KIF2A: variants seen among roughly 807,000 people sequenced by gnomAD.
KIF2A encodes the protein kinesin family member 2A.
KIF2A carries 22 observed loss-of-function variants against 100.2 expected under a neutral mutation model. The observed-to-expected ratio is 0.22, with a 90% CI of 0.16 to 0.31. The LOEUF (loss-of-function observed/expected upper bound fraction) is 0.31, where lower values mean the gene tolerates loss of function less well. KIF2A is among the 10% of genes least tolerant of loss of function. The pLI is 1.00. For missense variants in KIF2A, 495 were observed against 898.7 expected (o/e 0.55, Z 5.74); for synonymous variants, 268 against 285.9 (o/e 0.94, Z 0.63).
At chr5:62,369,128 C>G (rs1276299077) in intron 16 of KIF2A, among the ~76,000 whole-genome samples, 1 of 152,184 alleles carries the variant, frequency 6.6e-6, no homozygotes, top group Non-Finnish European at 1.5e-5. Context: ...TCCTCTAGTT[C>G]ACTTAGGTCA....
rs1253429273 is a variant in KIF2A at position 62,388,321 on chromosome 5, TTTCA to T, written c.*2756_*2759del. On this transcript the variant is annotated 3_prime_UTR_variant, in exon 21 of 21. Transcript: ENST00000407818. The stretch of plus-strand genomic sequence containing the variant: ...TAAAAAAAGATAATTTTATTGTTAA[TTTCA>T]TTCCAGTTTAGCTTCCTCATTTTAC... The T allele has an allele frequency of 2.0e-5, 3 of 152,372 alleles. No homozygotes were observed. Among genetic ancestry groups the T allele is most frequent in the Non-Finnish European group, 4.4e-5 (3 of 68,044 alleles). 9.4% of individuals were successfully genotyped at this position (152,372 alleles called of 1,614,324 possible). A position where few individuals can be genotyped will look rare whatever the true frequency, so the allele number is the denominator to read the frequency against.
chr5:62,337,722 G>A (rs1328226946), intron 1 of KIF2A, among the ~76,000 whole-genome samples: 1 of 151,460 alleles, frequency 6.6e-6, no homozygotes, highest in East Asian at 1.9e-4. Flanking sequence ...CTACTCGGCA[G>A]GCTGAAGCAG....
chr5:62,315,552 A>C (rs574733316), intron 1 of KIF2A, among the ~76,000 whole-genome samples: 1 of 152,244 alleles, frequency 6.6e-6, no homozygotes, highest in Non-Finnish European at 1.5e-5. Flanking sequence ...CATTCTAGCC[A>C]TGTAGGCAGC....
At position 62,306,393 on chromosome 5, in the gene KIF2A, C is replaced by A; in HGVS notation, c.-80C>A. The A allele has an allele frequency of 1.1e-6, 1 of 893,262 alleles. No homozygotes were observed. Among genetic ancestry groups the A allele is most frequent in the Non-Finnish European group, 1.7e-6 (1 of 573,178 alleles). 55.3% of individuals were successfully genotyped at this position (893,262 alleles called of 1,614,324 possible). A position where few individuals can be genotyped will look rare whatever the true frequency, so the allele number is the denominator to read the frequency against. On this transcript the variant is annotated 5_prime_UTR_variant, in exon 1 of 21. Transcript: ENST00000407818. ...CCGCGGGCAACCGCTCCCCCTCCCA[C>A]ACCTACCCCGCCCCCTCCCCGCCTT...
At chr5:62,334,869 G>C (rs1211717361) in intron 1 of KIF2A, among the ~76,000 whole-genome samples, 1 of 152,152 alleles carries the variant, frequency 6.6e-6, no homozygotes, top group African/African-American at 2.4e-5. Flanking sequence ...TAGCCCCTGA[G>C]CAGGCAATTG....
chr5:62,308,122 T>C (rs1163740416), intron 1 of KIF2A, among the ~76,000 whole-genome samples: 1 of 152,202 alleles, frequency 6.6e-6, no homozygotes, highest in East Asian at 1.9e-4. Flanking sequence ...TTTGAAGTAA[T>C]TTGTGGTAAC....
At chr5:62,334,651 C>G (rs1339681572) in intron 1 of KIF2A, among the ~76,000 whole-genome samples, 1 of 152,108 alleles carries the variant, frequency 6.6e-6, no homozygotes, top group African/African-American at 2.4e-5. Flanking sequence ...CCCTCAGCCC[C>G]CTAAGTTTGC....
At chr5:62,329,492 C>T (rs1203260980) in intron 1 of KIF2A, among the ~76,000 whole-genome samples, 1 of 152,220 alleles carries the variant, frequency 6.6e-6, no homozygotes, top group Non-Finnish European at 1.5e-5. Flanking sequence ...TGACTTCCAA[C>T]AAATCAAATT....
At chr5:62,367,740 G>A (rs1741144647) in intron 16 of KIF2A, among the ~76,000 whole-genome samples, 1 of 152,080 alleles carries the variant, frequency 6.6e-6, no homozygotes, top group Non-Finnish European at 1.5e-5. Flanking sequence ...ATTATAATGG[G>A]CATATTTATA....
intron 7 of KIF2A, among the ~76,000 whole-genome samples, chr5:62,355,884 C>T (rs994816715): frequency 2.6e-5 from 4 of 151,062 alleles, no homozygotes; most frequent in Admixed American, 6.6e-5. Context: ...CCAGTTCAAG[C>T]GATTCTCCTG....
At chr5:62,335,579 G>A (rs1399913000) in intron 1 of KIF2A, among the ~76,000 whole-genome samples, 2 of 152,164 alleles carry the variant, frequency 1.3e-5, no homozygotes, top group Non-Finnish European at 1.5e-5. Flanking sequence ...CAACTGCCTG[G>A]AGGTCAGAAC....
chr5:62,352,009 C>T (rs2059374146), intron 4 of KIF2A, among the ~76,000 whole-genome samples: 1 of 152,062 alleles, frequency 6.6e-6, no homozygotes, highest in Non-Finnish European at 1.5e-5. Context: ...CAAAAATGAG[C>T]CAGGTGTAGT....
At chr5:62,369,445 G>C (rs528182799) in intron 16 of KIF2A, among the ~76,000 whole-genome samples, 1 of 152,300 alleles carries the variant, frequency 6.6e-6, no homozygotes, top group Admixed American at 6.5e-5. Context: ...ACTATCACGA[G>C]AACAGCCTGG....
intron 16 of KIF2A, among the ~76,000 whole-genome samples, chr5:62,371,585 GAAT>G (rs1741332043): frequency 1.3e-5 from 2 of 152,128 alleles, no homozygotes; most frequent in Non-Finnish European, 2.9e-5. Context: ...CATTCTCAGT[GAAT>G]GACCTTAGAG....
chr5:62,370,439 G>T (rs993956117), intron 16 of KIF2A, among the ~76,000 whole-genome samples: 1 of 151,918 alleles, frequency 6.6e-6, no homozygotes, highest in Non-Finnish European at 1.5e-5. Flanking sequence ...GATTACAGGC[G>T]CCCGTCACCA....
chr5:62,355,369 G>T, intron 7 of KIF2A, 115 bp downstream of exon 7: 1 of 584,424 alleles, frequency 1.7e-6, no homozygotes, highest in Non-Finnish European at 3.1e-6. Flanking sequence ...TTTCCTTGTG[G>T]GTGCTCATTC....
chr5:62,325,525 A>T (rs1216218752), intron 1 of KIF2A, among the ~76,000 whole-genome samples: 2 of 152,240 alleles, frequency 1.3e-5, no homozygotes, highest in African/African-American at 4.8e-5. Context: ...CATGTGGCCA[A>T]CAGGTATATG....
chr5:62,347,108 T>C (rs772983615), intron 1 of KIF2A, 22 bp from the exon 2 acceptor site: 3 of 1,372,754 alleles, frequency 2.2e-6, no homozygotes, highest in Non-Finnish European at 3.1e-6. Context: ...ATTTTTAAGG[T>C]GTATACTTTA....
intron 1 of KIF2A, chr5:62,308,447 C>T (rs1035570457): frequency 1.5e-5 from 14 of 958,366 alleles, no homozygotes; most frequent in Middle Eastern, 2.2e-4. Context: ...TCTGCACTCT[C>T]GCGTTCATTG....
Sources: allele counts gnomAD v4.1 joint callset (sites outside exome capture counted in the v4.1 genomes callset), GRCh38; gene constraint gnomAD v4.1.1; transcripts MANE v1.5; gene names NCBI Gene and HGNC (gene_info 2026-07-23, HGNC 2026-07-21).